Variants in CADM2 observed in about 807,000 individuals in gnomAD.
The protein encoded by CADM2 is cell adhesion molecule 2, also known as immunoglobulin superfamily member 4D.
In CADM2, 12 loss-of-function variants were observed where a neutral mutation model predicts 49.8. The observed-to-expected ratio is 0.24, with a 90% confidence interval of 0.15 to 0.39. The LOEUF (loss-of-function observed/expected upper bound fraction) is 0.39, where lower values mean the gene tolerates loss of function less well. Ranked by LOEUF, CADM2 falls within the 10% of genes least tolerant of loss-of-function variation. The pLI, the probability that CADM2 is intolerant of heterozygous loss-of-function variation, is 1.00. For synonymous variants in CADM2, 214 were observed against 175.4 expected (o/e 1.22, Z -1.74); for missense variants, 378 against 492.3 (o/e 0.77, Z 2.20).
chr3:85,728,197 C>G (rs962212533), intron 2 of CADM2, among the ~76,000 whole-genome samples: 1 of 152,126 alleles, frequency 6.6e-6, no homozygotes, highest in African/African-American at 2.4e-5. Flanking sequence ...AGGACTCAAG[C>G]TGACTAGAAT....
rs2039140363 is a variant in CADM2 at position 85,129,121 on chromosome 3, G to A, written c.61+169453G>A. 3.3e-5 allele frequency among the ~76,000 whole-genome samples: 5 copies of A among 152,082 alleles called. No homozygotes were observed. The South Asian group carries it at 1.0e-3, about 32-fold the overall frequency. ...TCGTGGCACTGAAACCCGGTCCATA[G>A]CCAGTTCACCACATCAATGCTTAGG... On this transcript the variant is annotated intron_variant, in intron 1 of 9. Transcript: ENST00000383699.
intron 1 of CADM2, among the ~76,000 whole-genome samples, chr3:85,541,768 TTATATTTTATA>T (rs199795693): frequency 0.48 from 29,315 of 60,894 alleles, 4,149 homozygotes; most frequent in East Asian, 0.62. Context: ...TATATATATT[TTATATTTTATA>T]TATATATATA....
At chr3:85,499,188 T>C (rs2040020319) in intron 1 of CADM2, among the ~76,000 whole-genome samples, 1 of 152,146 alleles carries the variant, frequency 6.6e-6, no homozygotes, top group African/African-American at 2.4e-5. Context: ...CTGATGTTCT[T>C]CAAGGACACA....
chr3:85,288,786 C>G (rs887430885), intron 1 of CADM2, among the ~76,000 whole-genome samples: 2 of 70,824 alleles, frequency 2.8e-5, no homozygotes, highest in East Asian at 9.9e-4. Flanking sequence ...ACCAATATGC[C>G]CCCCCCCCCT....
intron 1 of CADM2, among the ~76,000 whole-genome samples, chr3:85,627,820 GT>G (rs2064171149): frequency 6.6e-6 from 1 of 152,050 alleles, no homozygotes; most frequent in South Asian, 2.1e-4. Context: ...GAGTTTTAAA[GT>G]TTTTATTGAA....
chr3:85,883,175 G>C, intron 3 of CADM2, 116 bp from the exon 4 acceptor site: 1 of 743,496 alleles, frequency 1.3e-6, no homozygotes, highest in Non-Finnish European at 2.0e-6. Flanking sequence ...CAAGAAATAA[G>C]ATTTGAATGT....
intron 1 of CADM2, among the ~76,000 whole-genome samples, chr3:85,411,811 T>A (rs1324846305): frequency 1.3e-5 from 2 of 152,146 alleles, no homozygotes; most frequent in Admixed American, 1.3e-4. Context: ...ATTAAAAGCA[T>A]CATTTCATGA....
intron 1 of CADM2, among the ~76,000 whole-genome samples, chr3:85,291,360 C>T (rs2043790808): frequency 6.6e-6 from 1 of 151,418 alleles, no homozygotes; most frequent in African/African-American, 2.5e-5. Context: ...TTGGAAAACA[C>T]TCTGCAGGAT....
At chr3:85,752,026 A>G (rs2068881039) in intron 2 of CADM2, among the ~76,000 whole-genome samples, 1 of 152,146 alleles carries the variant, frequency 6.6e-6, no homozygotes, top group African/African-American at 2.4e-5. Context: ...TAATTTAAAT[A>G]GAATTTAACA....
At chr3:85,919,899 T>C (rs1718873718) in intron 6 of CADM2, among the ~76,000 whole-genome samples, 1 of 151,892 alleles carries the variant, frequency 6.6e-6, no homozygotes, top group African/African-American at 2.4e-5. Flanking sequence ...GGGTTTAAAG[T>C]TTGGTAATTC....
chr3:85,700,888 C>A (rs1162882697), intron 1 of CADM2, among the ~76,000 whole-genome samples: 7 of 152,176 alleles, frequency 4.6e-5, no homozygotes, highest in Non-Finnish European at 8.8e-5. Flanking sequence ...CAACCTCTGC[C>A]TGTACCCACT....
At chr3:85,810,504 A>G (rs1468801889) in intron 3 of CADM2, among the ~76,000 whole-genome samples, 1 of 141,476 alleles carries the variant, frequency 7.1e-6, no homozygotes, top group Non-Finnish European at 1.6e-5. Flanking sequence ...TTTAATACAT[A>G]TGTTAAAGTA....
intron 1 of CADM2, among the ~76,000 whole-genome samples, chr3:85,485,089 A>G (rs2039364631): frequency 6.6e-6 from 1 of 151,974 alleles, no homozygotes; most frequent in Admixed American, 6.6e-5. Flanking sequence ...TGAAAATAAT[A>G]ATTCATGTTT....
At chr3:85,382,756 A>G (rs2033975493) in intron 1 of CADM2, among the ~76,000 whole-genome samples, 1 of 152,222 alleles carries the variant, frequency 6.6e-6, no homozygotes, top group East Asian at 1.9e-4. Context: ...TTACTCAGCT[A>G]TAATAATACA....
At chr3:85,177,723 A>G (rs2107697237) in intron 1 of CADM2, among the ~76,000 whole-genome samples, 1 of 152,078 alleles carries the variant, frequency 6.6e-6, no homozygotes, top group South Asian at 2.1e-4. Flanking sequence ...GTAAAATTAT[A>G]TCTAACATAA....
intron 1 of CADM2, among the ~76,000 whole-genome samples, chr3:85,613,398 A>G (rs576867725): frequency 5.9e-5 from 9 of 151,782 alleles, no homozygotes; most frequent in African/African-American, 2.2e-4. Flanking sequence ...GGTATTTTCC[A>G]CCCATTATGC....
chr3:85,452,782 TC>T (rs1396974383), intron 1 of CADM2, among the ~76,000 whole-genome samples: 1 of 152,186 alleles, frequency 6.6e-6, no homozygotes, highest in Non-Finnish European at 1.5e-5. Context: ...AGTGTTCTCT[TC>T]TTTAAACAAT....
At chr3:84,981,912 T>C (rs1047736723) in intron 1 of CADM2, among the ~76,000 whole-genome samples, 5 of 152,216 alleles carry the variant, frequency 3.3e-5, no homozygotes, top group African/African-American at 1.2e-4. Flanking sequence ...TAGTTTCAAG[T>C]ATAATTACAT....
At chr3:85,140,903 G>C (rs1344177903) in intron 1 of CADM2, among the ~76,000 whole-genome samples, 1 of 152,180 alleles carries the variant, frequency 6.6e-6, no homozygotes, top group East Asian at 1.9e-4. Flanking sequence ...CTCCTCCTTA[G>C]GGTGGGGAAC....
Sources: gnomAD v4.1 joint callset for allele counts (sites outside exome capture counted in the v4.1 genomes callset) on GRCh38, gnomAD v4.1.1 for gene constraint, MANE v1.5 for transcripts, NCBI Gene and HGNC (gene_info 2026-07-23, HGNC 2026-07-21) for gene names.